The following NDST3 variants were observed in gnomAD, a reference collection of about 807,000 sequenced individuals.
The protein encoded by NDST3 is N-deacetylase and N-sulfotransferase 3, also known as bifunctional heparan sulfate N-deacetylase/N-sulfotransferase 3.
A neutral mutation model predicts 96.1 loss-of-function variants in NDST3; 58 were observed. The ratio of observed to expected loss-of-function variants is 0.60; its 90% CI spans 0.49 to 0.75. The LOEUF (loss-of-function observed/expected upper bound fraction) is 0.75. Among genes scored for constraint, NDST3 ranks in the 30% least tolerant of loss-of-function variants. The pLI is 0.00. For synonymous variants in NDST3, 333 were observed against 359.7 expected, an observed-to-expected ratio of 0.93 and a Z score of 0.84; for missense variants, 788 against 1,034.2, an observed-to-expected ratio of 0.76 and a Z score of 3.27.
At chr4:118,131,157 T>C (rs918034060) in intron 4 of NDST3, among the ~76,000 whole-genome samples, 1 of 152,190 alleles carries the variant, frequency 6.6e-6, no homozygotes, top group Admixed American at 6.5e-5. Context: ...ATAAACTTTT[T>C]ACCCTTATCT....
chr4:118,241,730 T>C (rs1026789436), intron 11 of NDST3, among the ~76,000 whole-genome samples: 6 of 152,232 alleles, frequency 3.9e-5, no homozygotes, highest in African/African-American at 1.4e-4. Flanking sequence ...ATCACTGCTT[T>C]GTCTGTTTTG....
rs536894612 is a variant in NDST3, at chr4:118,091,002, C to T, written c.982-14016C>T. ...TAACTGGTGAACATTTAAAAATATG[C>T]TGTTAGATGAGATCGTGCCACTGCC... On this transcript the variant is annotated intron_variant, in intron 2 of 13. Coordinates refer to ENST00000296499, the MANE Select transcript of NDST3 (RefSeq NM_004784.3). Among the ~76,000 whole-genome samples the T allele has an allele frequency of 8.9e-4, 134 of 151,396 alleles. 2 individuals are homozygous for T. Among genetic ancestry groups the T allele is most frequent in the African/African-American group, 3.1e-3 (126 of 41,294 alleles).
chr4:118,147,986 G>A (rs947018130), intron 6 of NDST3, among the ~76,000 whole-genome samples: 1 of 152,158 alleles, frequency 6.6e-6, no homozygotes, highest in African/African-American at 2.4e-5. Context: ...CAAAAAAGCA[G>A]CTGTGGATTG....
chr4:118,066,298 A>T (rs867108787), intron 2 of NDST3, among the ~76,000 whole-genome samples: 1 of 4,406 alleles, frequency 2.3e-4, no homozygotes, highest in African/African-American at 2.6e-4. Flanking sequence ...TATTATATAT[A>T]TTATGTATTA....
At chr4:118,155,296 C>T (rs1450819532) in intron 6 of NDST3, among the ~76,000 whole-genome samples, 1 of 152,142 alleles carries the variant, frequency 6.6e-6, no homozygotes, top group Non-Finnish European at 1.5e-5. Flanking sequence ...CCATCCAGGG[C>T]CAATCTGTGT....
intron 13 of NDST3, 61 bp downstream of exon 13, chr4:118,253,662 T>C (rs1741915698): frequency 4.4e-6 from 5 of 1,143,166 alleles, no homozygotes; most frequent in Non-Finnish European, 6.3e-6. Context: ...TAATATCATC[T>C]ACTTTCTTAA....
intron 6 of NDST3, among the ~76,000 whole-genome samples, chr4:118,195,784 C>A (rs1304259652): frequency 6.6e-6 from 1 of 152,098 alleles, no homozygotes; most frequent in South Asian, 2.1e-4. Context: ...TATAAGATAC[C>A]ATCTGCAAAC....
chr4:118,045,454 G>A (rs186598223), intron 1 of NDST3, among the ~76,000 whole-genome samples: 1 of 152,208 alleles, frequency 6.6e-6, no homozygotes, highest in East Asian at 1.9e-4. Flanking sequence ...ATTTTAAATA[G>A]CATGAGAGCT....
chr4:118,092,969 C>G (rs1728999294), intron 2 of NDST3, among the ~76,000 whole-genome samples: 1 of 151,534 alleles, frequency 6.6e-6, no homozygotes, highest in African/African-American at 2.4e-5. Flanking sequence ...TGAGCAGAGA[C>G]ATAAAAGAAA....
At chr4:118,174,958 C>T (rs537893904) in intron 6 of NDST3, among the ~76,000 whole-genome samples, 5 of 152,252 alleles carry the variant, frequency 3.3e-5, no homozygotes, top group African/African-American at 1.2e-4. Context: ...CCCTTCCTTT[C>T]ACATTTTATA....
intron 2 of NDST3, among the ~76,000 whole-genome samples, chr4:118,078,180 G>A (rs1253270557): frequency 6.6e-6 from 1 of 151,998 alleles, no homozygotes; most frequent in Non-Finnish European, 1.5e-5. Context: ...CAGACAGGCT[G>A]GTGCCCAGCT....
chr4:118,255,340 A>G (rs1419636955), intron 13 of NDST3, among the ~76,000 whole-genome samples: 5 of 152,188 alleles, frequency 3.3e-5, no homozygotes. Context: ...GAGGTAATGA[A>G]AATACAAATG....
rs115178542 is a variant in NDST3, at chr4:118,174,853, G to A, written c.1539+31169G>A. On this transcript the variant is annotated intron_variant, in intron 6 of 13. Coordinates refer to ENST00000296499, the MANE Select transcript of NDST3 (RefSeq NM_004784.3). Reference sequence around the variant, plus strand: ...TTAGAATCCGACTGTGACTAAAGTTGGATTCTGTGACTGCCTTCTTGCCTG... The same window carrying A: ...TTAGAATCCGACTGTGACTAAAGTTAGATTCTGTGACTGCCTTCTTGCCTG... Among the ~76,000 whole-genome samples, 636 of 152,148 alleles carry A rather than the reference G, an allele frequency of 4.2e-3. 6 individuals carry two copies. The highest frequency in any genetic ancestry group is 0.015 in the African/African-American group (615 of 41,504).
chr4:118,173,281 G>T (rs1271777261), intron 6 of NDST3, among the ~76,000 whole-genome samples: 1 of 151,996 alleles, frequency 6.6e-6, no homozygotes, highest in Non-Finnish European at 1.5e-5. Context: ...TTGCATAATT[G>T]GACCAAAGGA....
intron 6 of NDST3, among the ~76,000 whole-genome samples, chr4:118,177,952 G>C (rs978186224): frequency 1.3e-5 from 2 of 151,742 alleles, no homozygotes; most frequent in Admixed American, 1.3e-4. Flanking sequence ...TCTAATACTG[G>C]AGAACAATGA....
At chr4:118,132,584 T>C (rs1049268684) in intron 4 of NDST3, among the ~76,000 whole-genome samples, 2 of 152,082 alleles carry the variant, frequency 1.3e-5, no homozygotes, top group African/African-American at 2.4e-5. Flanking sequence ...GTACATAAGG[T>C]GCAAAACAAA....
intron 6 of NDST3, among the ~76,000 whole-genome samples, chr4:118,212,939 G>A (rs1185799980): frequency 6.6e-6 from 1 of 152,156 alleles, no homozygotes; most frequent in Non-Finnish European, 1.5e-5. Context: ...CTTTTAGCAT[G>A]TATTATCTCA....
intron 8 of NDST3, among the ~76,000 whole-genome samples, chr4:118,229,531 A>G (rs568508804): frequency 5.3e-5 from 8 of 152,228 alleles, no homozygotes; most frequent in Non-Finnish European, 1.2e-4. Context: ...CAGAAACCAC[A>G]ACTTAACAAT....
At chr4:118,156,902 C>T (rs868232192) in intron 6 of NDST3, among the ~76,000 whole-genome samples, 10 of 152,296 alleles carry the variant, frequency 6.6e-5, no homozygotes, top group Middle Eastern at 6.8e-3. Flanking sequence ...AACAAATCTA[C>T]ATAGCACTTG....
Sources: gnomAD v4.1 joint callset for allele counts (sites outside exome capture counted in the v4.1 genomes callset) on GRCh38, gnomAD v4.1.1 for gene constraint, MANE v1.5 for transcripts, NCBI Gene and HGNC (gene_info 2026-07-23, HGNC 2026-07-21) for gene names.